Variants in DYNC2I1 observed in about 807,000 individuals in gnomAD.
DYNC2I1 encodes the protein cytoplasmic dynein 2 intermediate chain 1.
Under a neutral mutation model 133.4 loss-of-function variants are expected in DYNC2I1, and 89 were observed. The ratio of observed to expected loss-of-function variants is 0.67; its 90% CI spans 0.56 to 0.80. The LOEUF is 0.80. Among genes scored for constraint, DYNC2I1 ranks in the 30% least tolerant of loss-of-function variants. The probability of loss-of-function intolerance (pLI) is 0.00; values close to 1 mark genes in which losing one functional copy is unlikely to be tolerated. For synonymous variants in DYNC2I1, 504 were observed against 484.3 expected (o/e 1.04, Z -0.54); for missense variants, 1,291 against 1,314.5 (o/e 0.98, Z 0.28).
At chr7:158,915,567 TGAAACCTCGA>T in intron 14 of DYNC2I1, among the ~76,000 whole-genome samples, 1 of 152,034 alleles carries the variant, frequency 6.6e-6, no homozygotes, top group Non-Finnish European at 1.5e-5. Context: ...AGGATGATTG[TGAAACCTCGA>T]CACGCTGGTT....
chr7:158,875,251 C>A (rs567526780), intron 3 of DYNC2I1, among the ~76,000 whole-genome samples: 2 of 151,950 alleles, frequency 1.3e-5, no homozygotes, highest in Admixed American at 1.3e-4. Flanking sequence ...CACGCCACGA[C>A]GCCCGGCTAA....
chr7:158,856,075 G>A (rs948692858), upstream of DYNC2I1, among the ~76,000 whole-genome samples: 2 of 151,220 alleles, frequency 1.3e-5, no homozygotes, highest in African/African-American at 4.9e-5. Flanking sequence ...CCGAGTAGCT[G>A]GGACTACAGG....
downstream of DYNC2I1, chr7:158,946,292 A>G (rs562879309): frequency 2.0e-5 from 3 of 152,460 alleles, no homozygotes; most frequent in East Asian, 1.9e-4. Context: ...TTCCATTAGT[A>G]CTAAAAGTTG....
chr7:158,884,677 C>T, intron 6 of DYNC2I1, 58 bp downstream of exon 6: 2 of 1,579,906 alleles, frequency 1.3e-6, no homozygotes, highest in Non-Finnish European at 1.7e-6. Flanking sequence ...TGGAATGCTT[C>T]AGGGAATTTT....
At position 158,879,910 on chromosome 7, in the gene DYNC2I1, T is replaced by C; in HGVS notation, c.800T>C (p.Phe267Ser). 1 of 1,612,928 alleles carries C rather than the reference T, an allele frequency of 6.2e-7. No individual in the cohort carries two copies. The highest frequency in any genetic ancestry group is 8.5e-7 in the Non-Finnish European group (1 of 1,179,662). Residue 267 changes from phenylalanine (F) to serine (S), a missense_variant, in exon 5 of 25, where the codon TTT becomes TCT. Transcript: ENST00000407559. ...AAGCGACACAAAGAAGGTTTTCATT[T>C]TGATGATGAGAGGCACCAAAGCAAC... ...KEKRHKEGFHFDDERHQSNVD... is the reference protein window; with the variant it reads ...KEKRHKEGFHSDDERHQSNVD...
chr7:158,949,332 A>G (rs900843512), downstream of DYNC2I1, among the ~76,000 whole-genome samples: 2 of 152,274 alleles, frequency 1.3e-5, no homozygotes, highest in East Asian at 3.8e-4. Flanking sequence ...GAGACAGTGA[A>G]GCCTGGGAGA....
At chr7:158,840,749 G>A in the DYNC2I1 span, among the ~76,000 whole-genome samples, 1 of 152,144 alleles carries the variant, frequency 6.6e-6, no homozygotes, top group African/African-American at 2.4e-5. Flanking sequence ...AGTGGTGCTG[G>A]GCTGACCCTC....
chr7:158,927,180 T>G, intron 20 of DYNC2I1, 137 bp downstream of exon 20: 1 of 611,168 alleles, frequency 1.6e-6, no homozygotes, highest in Non-Finnish European at 2.9e-6. Context: ...GGAAGGAGGA[T>G]TGCTTGAGCC....
chr7:158,881,282 G>A (rs984786598), intron 5 of DYNC2I1, among the ~76,000 whole-genome samples: 2 of 152,268 alleles, frequency 1.3e-5, no homozygotes, highest in East Asian at 1.9e-4. Context: ...GCATCAGGGC[G>A]TTGGCCGTGT....
chr7:158,958,189 C>CCCAGG (rs1272857734), downstream of DYNC2I1, among the ~76,000 whole-genome samples: 3 of 152,274 alleles, frequency 2.0e-5, no homozygotes, highest in South Asian at 2.1e-4. Flanking sequence ...CAGCCACAGC[C>CCCAGG]TCGTCCCTAC....
chr7:158,859,564 G>A (rs75482758), intron 1 of DYNC2I1, among the ~76,000 whole-genome samples: 1 of 151,952 alleles, frequency 6.6e-6, no homozygotes, highest in African/African-American at 2.4e-5. Context: ...GTGCAATGGC[G>A]TGATCTCAGC....
At chr7:158,869,940 G>A (rs775409157) in intron 2 of DYNC2I1, 32 bp downstream of exon 2, 19 of 1,598,970 alleles carry the variant, frequency 1.2e-5, no homozygotes, top group Non-Finnish European at 1.6e-5. Context: ...ATTGGGATCT[G>A]TGCAGGACTC....
chr7:158,939,069 G>T (rs1332100579), intron 23 of DYNC2I1, among the ~76,000 whole-genome samples: 3 of 152,112 alleles, frequency 2.0e-5, no homozygotes, highest in African/African-American at 4.8e-5. Context: ...TTTTTGTTTG[G>T]TGTTTTCTTT....
chr7:158,944,324 AAG>A (rs1851671261), intron 24 of DYNC2I1, among the ~76,000 whole-genome samples: 1 of 151,980 alleles, frequency 6.6e-6, no homozygotes, highest in African/African-American at 2.4e-5. Context: ...GGATGTGTAA[AAG>A]AGCTGACGGG....
intron 5 of DYNC2I1, among the ~76,000 whole-genome samples, chr7:158,882,875 C>A (rs2657355): frequency 0.11 from 11,896 of 107,366 alleles, 571 homozygotes; most frequent in Non-Finnish European, 0.16. Flanking sequence ...GCCTTTGTCT[C>A]AAAAAAAAAA....
At chr7:158,880,369 T>C (rs1843879448) in intron 5 of DYNC2I1, among the ~76,000 whole-genome samples, 1 of 152,078 alleles carries the variant, frequency 6.6e-6, no homozygotes, top group Non-Finnish European at 1.5e-5. Flanking sequence ...AAACCCCGTC[T>C]CTACTAAAAA....
chr7:158,854,854 T>C (rs1474241931), upstream of DYNC2I1, among the ~76,000 whole-genome samples: 1 of 152,228 alleles, frequency 6.6e-6, no homozygotes, highest in Non-Finnish European at 1.5e-5. Context: ...AAAGTTACAA[T>C]TGGCGTGTCT....
intron 2 of DYNC2I1, among the ~76,000 whole-genome samples, chr7:158,870,312 T>G (rs1244484918): frequency 6.6e-6 from 1 of 152,204 alleles, no homozygotes; most frequent in Non-Finnish European, 1.5e-5. Flanking sequence ...TATCTCTCTT[T>G]TAACACATGT....
At chr7:158,845,884 T>C in the DYNC2I1 span, among the ~76,000 whole-genome samples, 1 of 152,230 alleles carries the variant, frequency 6.6e-6, no homozygotes, top group African/African-American at 2.4e-5. Flanking sequence ...ATTTAAAAAT[T>C]ATAGAAAAAC....
Sources: gnomAD v4.1 joint callset for allele counts (sites outside exome capture counted in the v4.1 genomes callset) on GRCh38, gnomAD v4.1.1 for gene constraint, MANE v1.5 for transcripts, NCBI Gene and HGNC (gene_info 2026-07-23, HGNC 2026-07-21) for gene names.